The following CDC123 variants were observed in gnomAD, a reference collection of about 807,000 sequenced individuals.
CDC123 encodes translation initiation factor eIF2 assembly protein.
Under a neutral mutation model 54.4 loss-of-function variants are expected in CDC123, and 37 were observed. The ratio of observed to expected loss-of-function variants is 0.68; its 90% CI spans 0.52 to 0.89. The LOEUF is 0.89. Ranked by LOEUF, CDC123 falls within the 40% of genes least tolerant of loss-of-function variation. CDC123 has a pLI of 0.00. For missense variants in CDC123, 361 were observed against 412.1 expected (o/e 0.88, Z 1.07); for synonymous variants, 144 against 136.8 (o/e 1.05, Z -0.37).
rs569637188 is a variant in CDC123, at chr10:12,198,260, C to T, written c.75-445C>T. 2.3e-3 allele frequency among the ~76,000 whole-genome samples: 348 copies of T among 152,300 alleles called. 3 individuals carry two copies. Among genetic ancestry groups the T allele is most frequent in the African/African-American group, 8.0e-3 (332 of 41,558 alleles). ...ATTCTTAGCGGTAGGTGCTCACTGC[C>T]AACCCAAGAATGGTTTCCAGATCTT... is the stretch of plus-strand genomic sequence containing the variant. On this transcript the variant is annotated intron_variant, in intron 1 of 12. Coordinates refer to ENST00000281141, the MANE Select transcript of CDC123 (RefSeq NM_006023.3).
At chr10:12,205,340 G>A (rs1286182384) in intron 2 of CDC123, among the ~76,000 whole-genome samples, 6 of 152,094 alleles carry the variant, frequency 3.9e-5, no homozygotes, top group Non-Finnish European at 1.5e-5. Flanking sequence ...CACTTAGGTG[G>A]CTTCCAAATC....
chr10:12,211,801 A>G (rs13313127), intron 4 of CDC123, among the ~76,000 whole-genome samples: 6,830 of 152,224 alleles, frequency 0.045, 504 homozygotes, highest in African/African-American at 0.15. Context: ...TATCAGTATC[A>G]ACTCATTTTT....
At chr10:12,201,403 A>G (rs1308074357) in intron 2 of CDC123, among the ~76,000 whole-genome samples, 1 of 151,970 alleles carries the variant, frequency 6.6e-6, no homozygotes, top group Non-Finnish European at 1.5e-5. Context: ...GAGGATCGCG[A>G]GGAGGGTCGG....
intron 5 of CDC123, among the ~76,000 whole-genome samples, chr10:12,216,976 G>A (rs548352373): frequency 1.3e-5 from 2 of 152,336 alleles, no homozygotes; most frequent in South Asian, 4.1e-4. Flanking sequence ...AACGGGAAGA[G>A]TGGAAATTGA....
At chr10:12,202,886 A>T (rs1442093679) in intron 2 of CDC123, among the ~76,000 whole-genome samples, 1 of 152,040 alleles carries the variant, frequency 6.6e-6, no homozygotes, top group Non-Finnish European at 1.5e-5. Flanking sequence ...GTGGTGGCGC[A>T]CTCCTGTAAT....
chr10:12,217,490 T>C lies in CDC123; in HGVS notation c.440+23T>C, dbSNP rs755331530. On this transcript the variant is annotated intron_variant, in intron 6 of 12. Coordinates refer to ENST00000281141, the MANE Select transcript of CDC123 (RefSeq NM_006023.3). The stretch of plus-strand genomic sequence containing the variant: ...GCCGTAAGTATCTCTTATTCTCTCA[T>C]GTCAATAGTTTCAGTATTTGTGCAA... 18 of 1,607,182 alleles carry C rather than the reference T, an allele frequency of 1.1e-5. No individual in the cohort carries two copies. In the South Asian group the frequency reaches 2.0e-4, roughly 18 times the overall value.
At chr10:12,228,123 C>T (rs997039649) in intron 6 of CDC123, among the ~76,000 whole-genome samples, 1 of 151,534 alleles carries the variant, frequency 6.6e-6, no homozygotes, top group Admixed American at 6.6e-5. Context: ...TTTTTAGAGG[C>T]GGGACCTAGC....
intron 8 of CDC123, among the ~76,000 whole-genome samples, chr10:12,236,921 A>C (rs1404947406): frequency 9.2e-6 from 1 of 108,898 alleles, no homozygotes; most frequent in East Asian, 2.8e-4. Flanking sequence ...AAAACAAAAC[A>C]AAAAGTAAAT....
chr10:12,232,441 T>C (rs1300957449), intron 7 of CDC123, among the ~76,000 whole-genome samples: 1 of 152,194 alleles, frequency 6.6e-6, no homozygotes, highest in East Asian at 1.9e-4. Flanking sequence ...GTCTGTTGAC[T>C]CACTGCATTG....
intron 6 of CDC123, among the ~76,000 whole-genome samples, chr10:12,220,532 T>C (rs12098245): frequency 0.026 from 3,931 of 152,366 alleles, 162 homozygotes; most frequent in African/African-American, 0.09. Flanking sequence ...AGCTGGGCGC[T>C]ACTAACGTGT....
chr10:12,213,168 T>C (rs1835624677), intron 4 of CDC123, among the ~76,000 whole-genome samples: 1 of 152,246 alleles, frequency 6.6e-6, no homozygotes, highest in Admixed American at 6.5e-5. Context: ...TAGTTCCATC[T>C]TTTCTAAGTA....
At chr10:12,239,050 G>A (rs1198495398) in intron 10 of CDC123, among the ~76,000 whole-genome samples, 1 of 152,014 alleles carries the variant, frequency 6.6e-6, no homozygotes, top group Non-Finnish European at 1.5e-5. Flanking sequence ...AGTTATGCAA[G>A]AGGCTGAGCT....
At chr10:12,204,344 A>G (rs1200825082) in intron 2 of CDC123, among the ~76,000 whole-genome samples, 1 of 152,088 alleles carries the variant, frequency 6.6e-6, no homozygotes, top group Non-Finnish European at 1.5e-5. Flanking sequence ...GAGCATCCCT[A>G]ATTAGAAAAT....
At chr10:12,197,565 G>A (rs7912382) in intron 1 of CDC123, among the ~76,000 whole-genome samples, 2,535 of 151,754 alleles carry the variant, frequency 0.017, 73 homozygotes, top group African/African-American at 0.058. Context: ...TTTAGTAGAG[G>A]CGGGGTTTTC....
intron 6 of CDC123, among the ~76,000 whole-genome samples, chr10:12,219,690 G>GTA (rs1835707573): frequency 6.9e-6 from 1 of 144,506 alleles, no homozygotes; most frequent in South Asian, 2.1e-4. Context: ...ACTGATAATG[G>GTA]TTTTTTTTTT....
intron 12 of CDC123, chr10:12,250,012 G>A: frequency 4.2e-6 from 2 of 479,776 alleles, no homozygotes; most frequent in Non-Finnish European, 7.3e-6. Context: ...TGTAAGGAGA[G>A]CAGGTCTCTG....
intron 7 of CDC123, among the ~76,000 whole-genome samples, 158 bp from the exon 8 acceptor site, chr10:12,234,890 A>G (rs1313122045): frequency 6.6e-6 from 1 of 151,936 alleles, no homozygotes; most frequent in African/African-American, 2.4e-5. Flanking sequence ...AGTAGCTGAC[A>G]GGCATGTGCC....
intron 6 of CDC123, among the ~76,000 whole-genome samples, chr10:12,228,784 G>A (rs1452745674): frequency 1.3e-5 from 2 of 152,178 alleles, no homozygotes; most frequent in African/African-American, 4.8e-5. Context: ...TGGTTAGGCT[G>A]GTCTCGAACT....
At chr10:12,197,263 A>C (rs1388954046) in intron 1 of CDC123, among the ~76,000 whole-genome samples, 1 of 152,220 alleles carries the variant, frequency 6.6e-6, no homozygotes, top group Non-Finnish European at 1.5e-5. Flanking sequence ...TATGAATAGA[A>C]TTTAAAATTT....
Sources: gnomAD v4.1 joint callset for allele counts (sites outside exome capture counted in the v4.1 genomes callset) on GRCh38, gnomAD v4.1.1 for gene constraint, MANE v1.5 for transcripts, NCBI Gene and HGNC (gene_info 2026-07-23, HGNC 2026-07-21) for gene names.